HDAC4: variants seen among roughly 807,000 people sequenced by gnomAD.
HDAC4 encodes the protein histone deacetylase 4.
A neutral mutation model predicts 135.1 loss-of-function variants in HDAC4; 16 were observed. The observed-to-expected ratio is 0.12, with a 90% CI of 0.08 to 0.18. The LOEUF is 0.18. Among genes scored for constraint, HDAC4 ranks in the 10% least tolerant of loss-of-function variants. The probability of loss-of-function intolerance (pLI) is 1.00; values close to 1 mark genes in which losing one functional copy is unlikely to be tolerated. For missense variants in HDAC4, 1,143 were observed against 1,511.8 expected, an observed-to-expected ratio of 0.76 and a Z score of 4.05; for synonymous variants, 685 against 653.4, an observed-to-expected ratio of 1.05 and a Z score of -0.74.
At chr2:239,161,891 C>A (rs371816343) in intron 6 of HDAC4, 114 of 366,580 alleles carry the variant, frequency 3.1e-4, no homozygotes, top group African/African-American at 2.2e-3. Flanking sequence ...TGCCCCAGGC[C>A]ACTTCTTCTC....
At chr2:239,263,134 T>C (rs938247748) in intron 2 of HDAC4, among the ~76,000 whole-genome samples, 2 of 152,104 alleles carry the variant, frequency 1.3e-5, no homozygotes, top group East Asian at 1.9e-4. Flanking sequence ...CTAGAAAATA[T>C]GAAAAACACT....
chr2:239,212,589 C>CA, intron 3 of HDAC4, among the ~76,000 whole-genome samples: 1 of 152,304 alleles, frequency 6.6e-6, no homozygotes, highest in Non-Finnish European at 1.5e-5. Context: ...TTCTGCCCCC[C>CA]ATACAGGGAC....
At chr2:239,376,751 C>T (rs1023640521) in intron 1 of HDAC4, among the ~76,000 whole-genome samples, 2 of 151,888 alleles carry the variant, frequency 1.3e-5, no homozygotes, top group Non-Finnish European at 2.9e-5. Context: ...CAGTGCTCAA[C>T]AGAACACGCC....
Position 239,352,830 on chromosome 2 carries a change from G to C in HDAC4, c.-131C>G. 1.1e-6 allele frequency: 1 copy of C among 945,480 alleles called. No individual in the cohort carries two copies. The highest frequency in any genetic ancestry group is 1.7e-6 in the Non-Finnish European group (1 of 600,570). The allele number at this position is 945,480 out of a possible 1,614,324, so 58.6% of individuals were successfully genotyped here. A position where few individuals can be genotyped will look rare whatever the true frequency, so the allele number is the denominator to read the frequency against. On this transcript the variant is annotated 5_prime_UTR_variant, in exon 2 of 27. Coordinates refer to ENST00000543185, the MANE Select transcript of HDAC4 (RefSeq NM_001378414.1). This position sits in a 1 kb window ranked among gnomAD's most constrained non-coding sequence, Gnocchi z 4.4. ...GGACGGTGAGGGCTGGGTCACAGAC[G>C]TTCAAGCGCCGAGCCTCGCCGGCAA...
At chr2:239,145,213 C>T (rs114023203) in intron 7 of HDAC4, among the ~76,000 whole-genome samples, 119 of 152,338 alleles carry the variant, frequency 7.8e-4, no homozygotes, top group African/African-American at 2.8e-3. Context: ...CCACGTTGCA[C>T]ACTTTCTTGC....
At chr2:239,184,584 C>CGG (rs535314292) in intron 4 of HDAC4, among the ~76,000 whole-genome samples, 1 of 36,914 alleles carries the variant, frequency 2.7e-5, no homozygotes, top group African/African-American at 1.2e-4. Context: ...TGTGCCCTAT[C>CGG]GGGGGGGGTC....
At chr2:239,325,162 T>C (rs558538245) in intron 2 of HDAC4, among the ~76,000 whole-genome samples, 1 of 152,130 alleles carries the variant, frequency 6.6e-6, no homozygotes, top group Non-Finnish European at 1.5e-5. Context: ...AGGGGGTTAG[T>C]CTTCATGACC....
At chr2:239,257,751 T>C (rs1472777792) in intron 2 of HDAC4, among the ~76,000 whole-genome samples, 1 of 152,178 alleles carries the variant, frequency 6.6e-6, no homozygotes, top group Non-Finnish European at 1.5e-5. Flanking sequence ...GTCATCATCC[T>C]AGGCCTCAAA....
chr2:239,063,338 C>A (rs950042057), intron 24 of HDAC4, among the ~76,000 whole-genome samples: 1 of 151,982 alleles, frequency 6.6e-6, no homozygotes, highest in Admixed American at 6.5e-5. Context: ...GTAGCTGGGA[C>A]TACAGGCGCC....
chr2:239,301,595 C>T (rs955073157), intron 2 of HDAC4, among the ~76,000 whole-genome samples: 3 of 152,052 alleles, frequency 2.0e-5, no homozygotes, highest in African/African-American at 7.2e-5. Context: ...ATCCTCCCAC[C>T]TCAGCTTCCT....
chr2:239,237,655 TG>T (rs2047962272), intron 2 of HDAC4, among the ~76,000 whole-genome samples: 1 of 151,926 alleles, frequency 6.6e-6, no homozygotes, highest in African/African-American at 2.4e-5. Flanking sequence ...TCCTTGGAGA[TG>T]TTCAATATTC....
chr2:239,324,992 A>C (rs2053428878), intron 2 of HDAC4, among the ~76,000 whole-genome samples: 1 of 152,262 alleles, frequency 6.6e-6, no homozygotes, highest in Non-Finnish European at 1.5e-5. Flanking sequence ...GCTAAAGGCA[A>C]GCAACATCCT....
chr2:239,381,154 C>T (rs1376988331), intron 1 of HDAC4, among the ~76,000 whole-genome samples: 1 of 152,236 alleles, frequency 6.6e-6, no homozygotes, highest in Non-Finnish European at 1.5e-5. Context: ...ACGGAGCTGC[C>T]TCCCGCGACC....
In HDAC4 at chr2:239,352,875, C is replaced by A; in HGVS notation, c.-176G>T. On this transcript the variant is annotated 5_prime_UTR_variant, in exon 2 of 27. Transcript: ENST00000543185. The surrounding 1 kb of genome is among the most constrained non-coding windows in gnomAD (Gnocchi z 4.4). ...CGGCAAGGTCTCATGAGCCAGGTAA[C>A]CCACAAGTTGAACAGAGGCGTCCGC... The A allele has an allele frequency of 1.5e-6, 1 of 689,054 alleles. No individual in the cohort carries two copies. The highest frequency in any genetic ancestry group is 2.6e-6 in the Non-Finnish European group (1 of 384,982). The allele number at this position is 689,054 out of a possible 1,614,324, so 42.7% of individuals were successfully genotyped here. A position where few individuals can be genotyped will look rare whatever the true frequency, so the allele number is the denominator to read the frequency against.
intron 1 of HDAC4, among the ~76,000 whole-genome samples, chr2:239,381,893 C>A (rs1022607524): frequency 1.3e-5 from 2 of 152,196 alleles, no homozygotes; most frequent in African/African-American, 4.8e-5. Context: ...TAGACTCAAG[C>A]CAGAGTGACT....
intron 16 of HDAC4, among the ~76,000 whole-genome samples, chr2:239,096,761 A>C (rs1487314078): frequency 3.8e-5 from 5 of 130,810 alleles, no homozygotes; most frequent in African/African-American, 1.4e-4. Context: ...AGCACCCCCC[A>C]CAGACACCCA....
chr2:239,110,673 G>A (rs1203045987), intron 14 of HDAC4, among the ~76,000 whole-genome samples: 1 of 152,228 alleles, frequency 6.6e-6, no homozygotes, highest in Non-Finnish European at 1.5e-5. Flanking sequence ...GAAGAATGAA[G>A]CCGTGCTGTA....
intron 1 of HDAC4, among the ~76,000 whole-genome samples, chr2:239,375,642 G>A (rs1051275587): frequency 2.0e-5 from 3 of 152,224 alleles, no homozygotes; most frequent in Non-Finnish European, 2.9e-5. Flanking sequence ...TGCAGGAGAG[G>A]GTCCTGCCAA....
At chr2:239,197,159 G>A (rs912064772) in intron 3 of HDAC4, among the ~76,000 whole-genome samples, 3 of 152,182 alleles carry the variant, frequency 2.0e-5, no homozygotes, top group African/African-American at 7.2e-5. Context: ...AGTAAGTTCT[G>A]CACATCTGAA....
Sources: gnomAD v4.1 joint callset for allele counts (sites outside exome capture counted in the v4.1 genomes callset) on GRCh38, gnomAD v4.1.1 for gene constraint, Gnocchi (gnomAD v3.1) non-coding constraint, MANE v1.5 for transcripts, NCBI Gene and HGNC (gene_info 2026-07-23, HGNC 2026-07-21) for gene names.